Variants in OCIAD2 observed in about 807,000 individuals in gnomAD.
OCIAD2 encodes the protein OCIA domain-containing protein 2.
Under a neutral mutation model 22.9 loss-of-function variants are expected in OCIAD2, and 29 were observed. That is an observed-to-expected ratio of 1.27 (90% CI 0.94 to 1.73). OCIAD2 has a LOEUF of 1.73. OCIAD2 is among the 40% of genes most tolerant of loss of function. OCIAD2 has a pLI of 0.00. For synonymous variants in OCIAD2, 67 were observed against 60.2 expected (o/e 1.11, Z -0.52); for missense variants, 189 against 180.3 (o/e 1.05, Z -0.28).
chr4:48,892,485 G>C (rs911774376), intron 6 of OCIAD2, among the ~76,000 whole-genome samples: 3 of 152,188 alleles, frequency 2.0e-5, no homozygotes, highest in African/African-American at 7.2e-5. Context: ...GTGTGACTCT[G>C]TGATGGTGGA....
chr4:48,895,228 G>A (rs1375390271), intron 4 of OCIAD2, among the ~76,000 whole-genome samples: 3 of 152,232 alleles, frequency 2.0e-5, no homozygotes, highest in Non-Finnish European at 4.4e-5. Context: ...AGGACTGTAA[G>A]ATAATACATT....
At position 48,885,540 on chromosome 4, in the gene OCIAD2, A is replaced by G. The variant is rs750999388; in HGVS notation, c.409T>C (p.Cys137Arg). Residue 137 changes from cysteine (C) to arginine (R), a missense_variant, in exon 7 of 7, where the codon TGC becomes CGC. Coordinates refer to ENST00000508632, the MANE Select transcript of OCIAD2 (RefSeq NM_001014446.3). ...TCACTTAATCCATGCTTTATTTTGC[A>G]TTCCTCACAGGTAAGGAGGCAGTGC... ...NRHCLLTCEE[C>R]KIKHGLSEKG... 6.2e-7 allele frequency: 1 copy of G among 1,610,400 alleles called. No homozygotes were observed. The highest frequency in any genetic ancestry group is 1.1e-5 in the South Asian group (1 of 91,002).
At chr4:48,887,885 G>C (rs1023225689) in intron 6 of OCIAD2, among the ~76,000 whole-genome samples, 1 of 152,148 alleles carries the variant, frequency 6.6e-6, no homozygotes, top group African/African-American at 2.4e-5. Flanking sequence ...AAAGTCATTG[G>C]TAGCTTGATG....
At chr4:48,893,379 G>GT in intron 5 of OCIAD2, 1 of 152,454 alleles carries the variant, frequency 6.6e-6, no homozygotes, top group Non-Finnish European at 1.5e-5. Context: ...AATGAATGTG[G>GT]TTTCAGACTA....
At chr4:48,905,938 T>C (rs1415997157) in intron 1 of OCIAD2, among the ~76,000 whole-genome samples, 1 of 152,104 alleles carries the variant, frequency 6.6e-6, no homozygotes. Flanking sequence ...ACAACAATGG[T>C]GAGGGGCTCT....
chr4:48,891,610 A>C (rs1295085390), intron 6 of OCIAD2, among the ~76,000 whole-genome samples: 3 of 152,130 alleles, frequency 2.0e-5, no homozygotes, highest in Non-Finnish European at 2.9e-5. Flanking sequence ...TGCAAAAGAC[A>C]CTCCTGAAAT....
At chr4:48,900,012 T>A in intron 2 of OCIAD2, 87 bp from the exon 3 acceptor site, 1 of 906,152 alleles carries the variant, frequency 1.1e-6, no homozygotes, top group Admixed American at 2.0e-5. Flanking sequence ...GGGAGGTCTC[T>A]TCACTTGTTA....
intron 2 of OCIAD2, among the ~76,000 whole-genome samples, chr4:48,903,232 T>A: frequency 6.6e-6 from 1 of 152,336 alleles, no homozygotes; most frequent in Middle Eastern, 3.4e-3. Flanking sequence ...AAAAATTGTT[T>A]CCATGTTAAC....
intron 4 of OCIAD2, among the ~76,000 whole-genome samples, chr4:48,896,760 C>A (rs920986283): frequency 1.0e-5 from 1 of 97,342 alleles, no homozygotes; most frequent in Admixed American, 1.3e-4. Flanking sequence ...ATAGCAAGAC[C>A]TCGTCTCATT....
At chr4:48,904,319 CT>C (rs1249648948) in intron 2 of OCIAD2, among the ~76,000 whole-genome samples, 164 bp downstream of exon 2, 1 of 152,104 alleles carries the variant, frequency 6.6e-6, no homozygotes, top group Non-Finnish European at 1.5e-5. Flanking sequence ...GCATGTGGGC[CT>C]GCACCTGTCA....
rs1300662593 is a variant in OCIAD2 at position 48,885,280 on chromosome 4, C to T, written c.*204G>A. ...CTGGGATTACAGGCATGAGCCACTG[C>T]GCCATGCCCCGACATGTTCTTAAAG... is the stretch of plus-strand genomic sequence containing the variant. On this transcript the variant is annotated 3_prime_UTR_variant, in exon 7 of 7. Coordinates refer to ENST00000508632, the MANE Select transcript of OCIAD2 (RefSeq NM_001014446.3). The T allele has an allele frequency of 1.3e-5, 7 of 534,592 alleles. No individual in the cohort carries two copies. Among genetic ancestry groups the T allele is most frequent in the South Asian group, 2.5e-5 (1 of 40,180 alleles). The allele number at this position is 534,592 out of a possible 1,614,324, so 33.1% of individuals were successfully genotyped here.
intron 6 of OCIAD2, among the ~76,000 whole-genome samples, chr4:48,890,990 A>G (rs1227725231): frequency 2.0e-5 from 3 of 152,110 alleles, no homozygotes; most frequent in African/African-American, 7.2e-5. Context: ...ACCTGCCTGG[A>G]CTTCCAGCTT....
chr4:48,899,448 G>T (rs1781370656), intron 3 of OCIAD2, among the ~76,000 whole-genome samples: 1 of 152,206 alleles, frequency 6.6e-6, no homozygotes, highest in Non-Finnish European at 1.5e-5. Flanking sequence ...CTAGGCTCTA[G>T]AATGAAGTTT....
intron 2 of OCIAD2, among the ~76,000 whole-genome samples, chr4:48,903,389 C>T (rs183684095): frequency 1.1e-4 from 16 of 152,100 alleles, no homozygotes; most frequent in Admixed American, 8.5e-4. Flanking sequence ...GTAATCTCAG[C>T]ACTTTGGGAG....
At chr4:48,901,833 C>T (rs1219248735) in intron 2 of OCIAD2, among the ~76,000 whole-genome samples, 1 of 152,156 alleles carries the variant, frequency 6.6e-6, no homozygotes, top group African/African-American at 2.4e-5. Flanking sequence ...GCCTCGAACT[C>T]CTGGGCTCAA....
At chr4:48,889,800 T>C (rs1226413446) in intron 6 of OCIAD2, among the ~76,000 whole-genome samples, 1 of 152,190 alleles carries the variant, frequency 6.6e-6, no homozygotes, top group African/African-American at 2.4e-5. Flanking sequence ...TAAAGACACA[T>C]GCACAGGTAT....
chr4:48,899,850 C>G lies in OCIAD2; in HGVS notation c.142G>C (p.Glu48Gln), dbSNP rs1171977720. 1.2e-6 allele frequency: 2 copies of G among 1,613,330 alleles called. No homozygotes were observed. Among genetic ancestry groups the G allele is most frequent in the Non-Finnish European group, 1.7e-6 (2 of 1,179,732 alleles). Residue 48 changes from glutamate to glutamine, a missense_variant, in exon 3 of 7, where the codon GAA (glutamate) becomes CAA (glutamine). Transcript: ENST00000508632. ...EISKIMRECQEESFWKRALPF... is the reference protein window; with the variant it reads ...EISKIMRECQQESFWKRALPF... Reference sequence around the variant, plus strand: ...TTACCTCTCTTCCAGAAACTTTCTTCCTGACATTCTCGCATAATCTTTGAG... The same window carrying G: ...TTACCTCTCTTCCAGAAACTTTCTTGCTGACATTCTCGCATAATCTTTGAG...
chr4:48,891,649 C>T (rs776629912), intron 6 of OCIAD2, among the ~76,000 whole-genome samples: 1 of 152,206 alleles, frequency 6.6e-6, no homozygotes, highest in Non-Finnish European at 1.5e-5. Flanking sequence ...GGAAGCAGTC[C>T]TTTCCTTTAC....
chr4:48,894,662 G>C (rs1359584083), intron 4 of OCIAD2, among the ~76,000 whole-genome samples: 1 of 152,134 alleles, frequency 6.6e-6, no homozygotes, highest in Non-Finnish European at 1.5e-5. Context: ...GCTAACAACA[G>C]TGTTCAAAGA....
Sources: gnomAD v4.1 joint callset for allele counts (sites outside exome capture counted in the v4.1 genomes callset) on GRCh38, gnomAD v4.1.1 for gene constraint, MANE v1.5 for transcripts, NCBI Gene and HGNC (gene_info 2026-07-23, HGNC 2026-07-21) for gene names.